OTOA: variants seen among roughly 807,000 people sequenced by gnomAD.
The protein encoded by OTOA is cancer/testis antigen 108.
A neutral mutation model predicts 110.8 loss-of-function variants in OTOA; 70 were observed. The ratio of observed to expected loss-of-function variants is 0.63; its 90% CI spans 0.52 to 0.77. OTOA has a LOEUF of 0.77. Ranked by LOEUF, OTOA falls within the 30% of genes least tolerant of loss-of-function variation. OTOA has a pLI of 0.00. For synonymous variants in OTOA, 373 were observed against 431.5 expected, an observed-to-expected ratio of 0.86 and a Z score of 1.68; for missense variants, 917 against 1,075.8, an observed-to-expected ratio of 0.85 and a Z score of 2.06.
chr16:21,701,515 G>C (rs1234598955), intron 11 of OTOA, among the ~76,000 whole-genome samples: 3 of 152,186 alleles, frequency 2.0e-5, no homozygotes, highest in Non-Finnish European at 4.4e-5. Context: ...ACCATTCCCA[G>C]CAGGGGAGGA....
chr16:21,710,255 C>T (rs1010816145), intron 13 of OTOA, 152 bp downstream of exon 13: 32 of 913,190 alleles, frequency 3.5e-5, no homozygotes, highest in Middle Eastern at 3.3e-4. Context: ...AGTCCAACAT[C>T]GAGGTGTCAG....
At chr16:21,705,615 G>A (rs1898148721) in intron 12 of OTOA, among the ~76,000 whole-genome samples, 1 of 151,822 alleles carries the variant, frequency 6.6e-6, no homozygotes, top group African/African-American at 2.4e-5. Context: ...TTTGATACCA[G>A]CCTGGTCAAC....
intron 17 of OTOA, among the ~76,000 whole-genome samples, chr16:21,721,034 T>G (rs1898716382): frequency 6.6e-6 from 1 of 151,278 alleles, no homozygotes. Flanking sequence ...CCTGCCTCAG[T>G]CTCCTGTCTA....
intron 18 of OTOA, 114 bp from the exon 19 acceptor site, chr16:21,726,409 A>G (rs1430206450): frequency 1.4e-6 from 2 of 1,463,978 alleles, no homozygotes; most frequent in Non-Finnish European, 1.9e-6. Context: ...ACTGGGAAGA[A>G]CAAACATTTA....
Position 21,705,285 on chromosome 16 carries a change from T to A in OTOA, c.1097T>A (p.Val366Asp). The A allele has an allele frequency of 6.2e-7, 1 of 1,613,830 alleles. No individual in the cohort carries two copies. The change falls in exon 12 of 29, where the codon GTC (valine) becomes GAC (aspartate). Residue 366 changes from valine to aspartate, a missense_variant. By Grantham distance (152) the Val-to-Asp change is radical. Transcript: ENST00000646100. ...CSHLRGFQAG[V>D]QKLKAELLDI... The stretch of plus-strand genomic sequence containing the variant: ...CACCTGAGGGGCTTCCAGGCTGGCG[T>A]CCAGAAGGTACAGCTGGGGTGCAAG...
At position 21,695,866 on chromosome 16, in the gene OTOA, G is replaced by GATATATATATATATATAT. The variant is rs71151648; in HGVS notation, c.740-1900_740-1883dup. Among the ~76,000 whole-genome samples the GATATATATATATATATAT allele has an allele frequency of 2.6e-4, 19 of 72,722 alleles. 1 individual carries two copies. Among genetic ancestry groups the GATATATATATATATATAT allele is most frequent in the African/African-American group, 5.0e-4 (8 of 15,886 alleles). The allele number at this position is 72,722 out of a possible 152,430, so 47.7% of individuals were successfully genotyped here. The stretch of plus-strand genomic sequence containing the variant: ...ACTTGAAGTCTGATCCTAGACTTGA[G>GATATATATATATATATAT]ATATATATATATATATATATATATA... On this transcript the variant is annotated intron_variant, in intron 9 of 28. Transcript: ENST00000646100.
intron 1 of OTOA, among the ~76,000 whole-genome samples, chr16:21,667,143 C>T (rs1301897651): frequency 6.6e-6 from 1 of 152,124 alleles, no homozygotes; most frequent in Non-Finnish European, 1.5e-5. Flanking sequence ...GATGGTGGGC[C>T]AACACACCTA....
In OTOA at chr16:21,687,460, C is replaced by T. The variant is rs1238406273; in HGVS notation, c.447C>T (p.Ala149=). 5 of 1,614,042 alleles carry T rather than the reference C, an allele frequency of 3.1e-6. No homozygotes were observed. Among genetic ancestry groups the T allele is most frequent in the East Asian group, 4.5e-5 (2 of 44,870 alleles). ...IIDLGEIRER[A]LQSPGVNRSL... ...ACTTAGGAGAGATTCGAGAACGAGC[C>T]TTGCAGAGCCCTGGCGTGAACCGCA... is the stretch of plus-strand genomic sequence containing the variant. Residue 149 remains alanine (A), a synonymous_variant, in exon 8 of 29, where the codon GCC becomes GCT. Coordinates refer to ENST00000646100, the MANE Select transcript of OTOA (RefSeq NM_144672.4).
intron 14 of OTOA, among the ~76,000 whole-genome samples, chr16:21,715,469 T>C (rs1438172922): frequency 6.6e-6 from 1 of 151,784 alleles, no homozygotes; most frequent in East Asian, 1.9e-4. Flanking sequence ...ACAGTCTTTC[T>C]GTGTTGCCCA....
At chr16:21,673,762 A>G (rs918129152) in intron 1 of OTOA, among the ~76,000 whole-genome samples, 1 of 152,170 alleles carries the variant, frequency 6.6e-6, no homozygotes, top group South Asian at 2.1e-4. Flanking sequence ...TAAAGATGCT[A>G]TGAACATTTG....
At chr16:21,703,185 A>G (rs1898086514) in intron 11 of OTOA, among the ~76,000 whole-genome samples, 1 of 152,168 alleles carries the variant, frequency 6.6e-6, no homozygotes, top group Non-Finnish European at 1.5e-5. Flanking sequence ...AACTGTAGTC[A>G]GCATGTACAA....
chr16:21,669,670 C>T (rs961597977), intron 1 of OTOA, among the ~76,000 whole-genome samples: 7 of 152,114 alleles, frequency 4.6e-5, no homozygotes, highest in East Asian at 1.9e-4. Flanking sequence ...CTTTTGGTTC[C>T]GCCTTCCAAA....
chr16:21,726,865 G>T (rs531348674), intron 19 of OTOA, among the ~76,000 whole-genome samples: 1 of 152,094 alleles, frequency 6.6e-6, no homozygotes, highest in Non-Finnish European at 1.5e-5. Context: ...CAAAGGAGGG[G>T]AGGCTACTCT....
intron 12 of OTOA, among the ~76,000 whole-genome samples, 183 bp from the exon 13 acceptor site, chr16:21,709,705 C>T (rs563323635): frequency 1.3e-4 from 20 of 152,092 alleles, no homozygotes; most frequent in Non-Finnish European, 2.2e-4. Flanking sequence ...AGGTGTCCTC[C>T]GTGTGGTGTC....
intron 4 of OTOA, 50 bp downstream of exon 4, chr16:21,679,116 G>T (rs1966870251): frequency 6.2e-7 from 1 of 1,613,078 alleles, no homozygotes; most frequent in African/African-American, 1.3e-5. Context: ...ATTTCAAACA[G>T]AATGTAGCTG....
chr16:21,719,916 G>A (rs1404570655), intron 17 of OTOA, among the ~76,000 whole-genome samples: 1 of 151,214 alleles, frequency 6.6e-6, no homozygotes, highest in East Asian at 1.9e-4. Context: ...GGTTATGGAG[G>A]CTATTTAACC....
In OTOA at chr16:21,695,894, T is replaced by A. The variant is rs867319662; in HGVS notation, c.740-1881T>A. 8.8e-3 allele frequency among the ~76,000 whole-genome samples: 985 copies of A among 111,952 alleles called. 15 individuals carry two copies. The highest frequency in any genetic ancestry group is 0.083 in the East Asian group (307 of 3,690). 73.4% of individuals were successfully genotyped at this position (111,952 alleles called of 152,430 possible). On this transcript the variant is annotated intron_variant, in intron 9 of 28. Coordinates refer to ENST00000646100, the MANE Select transcript of OTOA (RefSeq NM_144672.4). Reference sequence around the variant, plus strand: ...ATATATATATATATATATATATATTTTTTTTTTTTTTTTTTTCTGAGATGG... The same window carrying A: ...ATATATATATATATATATATATATTATTTTTTTTTTTTTTTTCTGAGATGG...
chr16:21,719,637 T>C, intron 17 of OTOA, 133 bp downstream of exon 17: 2 of 887,826 alleles, frequency 2.3e-6, no homozygotes, highest in Admixed American at 3.5e-5. Context: ...GGCCAAAGAT[T>C]GAGCCAGGTT....
chr16:21,713,717 T>A (rs1201507685), intron 13 of OTOA, among the ~76,000 whole-genome samples: 1 of 152,160 alleles, frequency 6.6e-6, no homozygotes, highest in Non-Finnish European at 1.5e-5. Flanking sequence ...GCTCACTGTC[T>A]CCATTATGGC....
Sources: allele counts gnomAD v4.1 joint callset (sites outside exome capture counted in the v4.1 genomes callset), GRCh38; gene constraint gnomAD v4.1.1; transcripts MANE v1.5; gene names NCBI Gene and HGNC (gene_info 2026-07-23, HGNC 2026-07-21).